ERC2: variants seen among roughly 807,000 people sequenced by gnomAD.
ERC2 encodes ERC protein 2.
In ERC2, 42 loss-of-function variants were observed where a neutral mutation model predicts 114.8. The ratio of observed to expected loss-of-function variants is 0.37; its 90% CI spans 0.29 to 0.47. The LOEUF is 0.47. ERC2 is among the 20% of genes least tolerant of loss of function. The pLI, the probability that ERC2 is intolerant of heterozygous loss-of-function variation, is 0.99. For synonymous variants in ERC2, 454 were observed against 425.5 expected (o/e 1.07, Z -0.82); for missense variants, 939 against 1,150.7 (o/e 0.82, Z 2.66).
chr3:55,784,468 C>G (rs986040074), intron 14 of ERC2, among the ~76,000 whole-genome samples: 1 of 152,228 alleles, frequency 6.6e-6, no homozygotes, highest in South Asian at 2.1e-4. Context: ...GTCATAGGAC[C>G]CAAACCAGTC....
At chr3:55,628,063 A>G (rs989890558) in intron 17 of ERC2, among the ~76,000 whole-genome samples, 1 of 152,172 alleles carries the variant, frequency 6.6e-6, no homozygotes, top group Non-Finnish European at 1.5e-5. Context: ...AAAGTTACTC[A>G]TAATATCTTT....
In ERC2 at chr3:56,095,895, T is replaced by C. The variant is rs558651336; in HGVS notation, c.1474-14911A>G. Among the ~76,000 whole-genome samples the C allele has an allele frequency of 2.5e-3, 373 of 152,240 alleles. 1 individual carries two copies. Among genetic ancestry groups the C allele is most frequent in the Middle Eastern group, 0.01 (3 of 294 alleles). On this transcript the variant is annotated intron_variant, in intron 6 of 17. Transcript: ENST00000288221. ...ACTCTTTATCTAGCATATTAATACA[T>C]TGTAGGAAGGCAGGAAAAGAGTAAT...
Position 56,267,207 on chromosome 3 carries a change from G to A in ERC2, c.1074+28812C>T, listed in dbSNP as rs567744918. 3.3e-5 allele frequency among the ~76,000 whole-genome samples: 5 copies of A among 152,240 alleles called. No homozygotes were observed. The South Asian group carries it at 8.3e-4, about 25-fold the overall frequency. Reference sequence around the variant, plus strand: ...CACTTTAAAAGTTTCAGATATTGGAGCATTTCGAATTTCAGATTTTTGAAT... The same window carrying A: ...CACTTTAAAAGTTTCAGATATTGGAACATTTCGAATTTCAGATTTTTGAAT... On this transcript the variant is annotated intron_variant, in intron 3 of 17. Coordinates refer to ENST00000288221, the MANE Select transcript of ERC2 (RefSeq NM_015576.3).
chr3:56,066,534 TC>T (rs1471109516), intron 7 of ERC2, among the ~76,000 whole-genome samples: 1 of 152,090 alleles, frequency 6.6e-6, no homozygotes, highest in Non-Finnish European at 1.5e-5. Flanking sequence ...AGTTTCTTTT[TC>T]TGTGCAGAAG....
intron 16 of ERC2, among the ~76,000 whole-genome samples, chr3:55,691,508 T>C (rs1196596997): frequency 8.1e-6 from 1 of 123,486 alleles, no homozygotes; most frequent in African/African-American, 3.2e-5. Flanking sequence ...TCAAGGCTCC[T>C]TCCAAGAAGT....
chr3:56,130,277 CA>C (rs1172582260), intron 6 of ERC2, among the ~76,000 whole-genome samples: 4 of 152,114 alleles, frequency 2.6e-5, no homozygotes, highest in Non-Finnish European at 5.9e-5. Context: ...GGGGGACCCA[CA>C]CAAAAAACAT....
Position 55,919,652 on chromosome 3 carries a change from T to C in ERC2, c.2403+30773A>G, listed in dbSNP as rs2065300845. Reference sequence around the variant, plus strand: ...CCAAAACAGAAGAAAATAAGTAAAATGTGTAATAACTGAGACAGTGAAGAG... The same window carrying C: ...CCAAAACAGAAGAAAATAAGTAAAACGTGTAATAACTGAGACAGTGAAGAG... On this transcript the variant is annotated intron_variant, in intron 13 of 17. Coordinates refer to ENST00000288221, the MANE Select transcript of ERC2 (RefSeq NM_015576.3). 5.3e-5 allele frequency among the ~76,000 whole-genome samples: 8 copies of C among 152,046 alleles called. No homozygotes were observed. In the South Asian group the frequency reaches 1.7e-3, roughly 31 times the overall value.
chr3:56,215,220 C>T (rs1169081783), intron 3 of ERC2, among the ~76,000 whole-genome samples: 1 of 152,018 alleles, frequency 6.6e-6, no homozygotes, highest in Non-Finnish European at 1.5e-5. Flanking sequence ...GAGTCAAGAC[C>T]CATCAGCGTG....
intron 3 of ERC2, among the ~76,000 whole-genome samples, chr3:56,263,473 G>A (rs2150269680): frequency 6.6e-6 from 1 of 152,114 alleles, no homozygotes; most frequent in South Asian, 2.1e-4. Flanking sequence ...TCAGCACAGA[G>A]AGGAACTCCC....
intron 3 of ERC2, among the ~76,000 whole-genome samples, chr3:56,272,692 C>T (rs1235709085): frequency 6.6e-6 from 1 of 152,204 alleles, no homozygotes; most frequent in Non-Finnish European, 1.5e-5. Context: ...ATCGCTTGAA[C>T]CCAGGAGCTG....
intron 7 of ERC2, among the ~76,000 whole-genome samples, chr3:56,049,181 A>G (rs561052280): frequency 1.3e-5 from 2 of 152,304 alleles, no homozygotes; most frequent in South Asian, 4.1e-4. Flanking sequence ...TAGAGATAGC[A>G]TGACTCGACT....
At chr3:55,876,030 C>A (rs2062820428) in intron 14 of ERC2, among the ~76,000 whole-genome samples, 1 of 152,098 alleles carries the variant, frequency 6.6e-6, no homozygotes, top group Non-Finnish European at 1.5e-5. Flanking sequence ...AGGCAGCCAG[C>A]AAGAAGCAAA....
intron 17 of ERC2, among the ~76,000 whole-genome samples, chr3:55,528,409 T>TA (rs1364509148): frequency 1.3e-5 from 2 of 152,218 alleles, no homozygotes; most frequent in African/African-American, 4.8e-5. Context: ...AGTGAATTCT[T>TA]ATTTAAAATG....
chr3:55,955,918 G>A (rs2067921337), intron 12 of ERC2, among the ~76,000 whole-genome samples: 3 of 152,200 alleles, frequency 2.0e-5, no homozygotes. Flanking sequence ...CCGTGGGCAA[G>A]CTTCTTAACC....
intron 16 of ERC2, among the ~76,000 whole-genome samples, chr3:55,687,909 G>C (rs2062419245): frequency 6.6e-6 from 1 of 152,222 alleles, no homozygotes. Context: ...CTGCAAATGT[G>C]GGGCACCGAG....
At chr3:56,391,995 A>C (rs1420157330) in intron 2 of ERC2, among the ~76,000 whole-genome samples, 1 of 152,214 alleles carries the variant, frequency 6.6e-6, no homozygotes, top group African/African-American at 2.4e-5. Context: ...TGTACAAAGC[A>C]TGGTATAGCA....
intron 14 of ERC2, among the ~76,000 whole-genome samples, chr3:55,756,910 T>C (rs1285396147): frequency 6.6e-6 from 1 of 151,942 alleles, no homozygotes; most frequent in Non-Finnish European, 1.5e-5. Context: ...AAAAAATGAA[T>C]AAGATGCAAA....
intron 14 of ERC2, among the ~76,000 whole-genome samples, chr3:55,876,579 G>A (rs1284947747): frequency 6.6e-6 from 1 of 152,140 alleles, no homozygotes; most frequent in African/African-American, 2.4e-5. Flanking sequence ...GAGTAAAAGG[G>A]GCTGTTATAA....
chr3:56,443,659 CT>C (rs534626974), intron 1 of ERC2, among the ~76,000 whole-genome samples: 104 of 143,444 alleles, frequency 7.3e-4, no homozygotes, highest in Admixed American at 6.3e-4. Context: ...GACACTTGGG[CT>C]TTTTTTTTTT....
Sources: gnomAD v4.1 joint callset for allele counts (sites outside exome capture counted in the v4.1 genomes callset) on GRCh38, gnomAD v4.1.1 for gene constraint, MANE v1.5 for transcripts, NCBI Gene and HGNC (gene_info 2026-07-23, HGNC 2026-07-21) for gene names.